The following PDE4D variants were observed in gnomAD, a reference collection of about 807,000 sequenced individuals.
PDE4D encodes phosphodiesterase 4D, also known as 3',5'-cyclic-AMP phosphodiesterase 4D.
Under a neutral mutation model 87.4 loss-of-function variants are expected in PDE4D, and 24 were observed. The observed-to-expected ratio is 0.27, with a 90% CI of 0.20 to 0.39. The LOEUF is 0.39. Ranked by LOEUF, PDE4D falls within the 10% of genes least tolerant of loss-of-function variation. PDE4D has a pLI of 1.00. For missense variants in PDE4D, 714 were observed against 1,041.0 expected (o/e 0.69, Z 4.32); for synonymous variants, 384 against 383.2 (o/e 1.00, Z -0.02).
At chr5:59,535,814 C>A (rs1428138311) in intron 1 of PDE4D, among the ~76,000 whole-genome samples, 1 of 152,296 alleles carries the variant, frequency 6.6e-6, no homozygotes, top group Admixed American at 6.5e-5. Context: ...TGTCAACACC[C>A]ATTTTGAGGG....
At chr5:59,046,436 G>GT (rs1289113128) in intron 5 of PDE4D, among the ~76,000 whole-genome samples, 1 of 151,468 alleles carries the variant, frequency 6.6e-6, no homozygotes, top group African/African-American at 2.4e-5. Context: ...GTGTGTGTGT[G>GT]TGTGTGTATG....
At chr5:59,153,425 AGGGCTGACAGAGTG>A (rs1779726600) in intron 5 of PDE4D, among the ~76,000 whole-genome samples, 1 of 152,202 alleles carries the variant, frequency 6.6e-6, no homozygotes, top group Non-Finnish European at 1.5e-5. Context: ...TTCTGCTCAG[AGGGCTGACAGAGTG>A]GAGAAGATCA....
intron 1 of PDE4D, among the ~76,000 whole-genome samples, chr5:59,419,078 G>A (rs1794085236): frequency 6.6e-6 from 1 of 152,166 alleles, no homozygotes. Flanking sequence ...ACTGCAAAGT[G>A]CTATGTAATG....
Position 59,427,890 on chromosome 5 carries a change from T to C in PDE4D, c.456-211922A>G, listed in dbSNP as rs142393361. Among the ~76,000 whole-genome samples the C allele has an allele frequency of 8.0e-3, 1,211 of 151,048 alleles. 7 individuals carry two copies. Among genetic ancestry groups the C allele is most frequent in the Non-Finnish European group, 0.015 (998 of 67,856 alleles). On this transcript the variant is annotated intron_variant, in intron 1 of 14. Transcript: ENST00000340635. ...AAGCTTCATAAAATTGAAAGAAAAT[T>C]ATATTTCTTACAAAAGAAAAAGTGG...
chr5:59,805,137 T>A (rs988677134), intron 1 of PDE4D, among the ~76,000 whole-genome samples: 1 of 152,304 alleles, frequency 6.6e-6, no homozygotes, highest in Middle Eastern at 3.4e-3. Context: ...CAGAAGACTT[T>A]CAAAATGTAT....
chr5:59,459,412 T>C (rs1800418088), intron 1 of PDE4D, among the ~76,000 whole-genome samples: 1 of 152,192 alleles, frequency 6.6e-6, no homozygotes. Flanking sequence ...CATTTTGGCT[T>C]CAAATCCAGT....
At chr5:60,147,841 C>T (rs1427996767) in intron 2 of PDE4D, 3 of 451,940 alleles carry the variant, frequency 6.6e-6, no homozygotes, top group Non-Finnish European at 1.3e-5. Context: ...GCTTGAGTGT[C>T]TTTGTGAGTT....
intron 1 of PDE4D, among the ~76,000 whole-genome samples, chr5:59,774,215 T>C (rs2152612996): frequency 6.6e-6 from 1 of 152,336 alleles, no homozygotes; most frequent in African/African-American, 2.4e-5. Flanking sequence ...TAATATGTTC[T>C]ATAATTTGCA....
intron 1 of PDE4D, among the ~76,000 whole-genome samples, chr5:59,777,915 AAAG>A (rs879761670): frequency 3.4e-4 from 52 of 152,340 alleles, no homozygotes; most frequent in African/African-American, 9.4e-4. Context: ...GAGACAAAAA[AAAG>A]AAGTTGAAAT....
chr5:60,319,644 C>T (rs559645494), intron 1 of PDE4D, among the ~76,000 whole-genome samples: 4 of 152,262 alleles, frequency 2.6e-5, no homozygotes, highest in South Asian at 4.1e-4. Flanking sequence ...ATGATGGTGA[C>T]GTACACATGA....
chr5:59,226,909 G>T (rs936416834), intron 1 of PDE4D, among the ~76,000 whole-genome samples: 1 of 152,090 alleles, frequency 6.6e-6, no homozygotes, highest in Non-Finnish European at 1.5e-5. Flanking sequence ...TTTCATGCAG[G>T]TGTCACTGTG....
chr5:59,909,593 C>G (rs1432074832), intron 3 of PDE4D, among the ~76,000 whole-genome samples: 1 of 152,076 alleles, frequency 6.6e-6, no homozygotes, highest in Non-Finnish European at 1.5e-5. Context: ...CCATGTTGCT[C>G]AGCCTTGTCT....
intron 1 of PDE4D, among the ~76,000 whole-genome samples, chr5:59,522,806 C>T (rs1310680822): frequency 1.3e-5 from 2 of 152,108 alleles, no homozygotes; most frequent in Admixed American, 6.6e-5. Context: ...GGGAAAATTT[C>T]GGTTCACTTG....
intron 5 of PDE4D, among the ~76,000 whole-genome samples, chr5:59,075,121 CACAA>C (rs1765478105): frequency 6.9e-6 from 1 of 144,564 alleles, no homozygotes; most frequent in Admixed American, 6.9e-5. Context: ...CACACACACA[CACAA>C]TTTCTTAATT....
chr5:59,965,422 A>C (rs911791852), intron 3 of PDE4D, among the ~76,000 whole-genome samples: 3 of 151,908 alleles, frequency 2.0e-5, no homozygotes, highest in African/African-American at 4.8e-5. Flanking sequence ...TTACCCTAAA[A>C]CTCTAACCTC....
intron 1 of PDE4D, among the ~76,000 whole-genome samples, chr5:59,836,635 T>TATCTATC (rs1448284381): frequency 1.3e-5 from 2 of 150,212 alleles, no homozygotes; most frequent in Non-Finnish European, 2.9e-5. Context: ...TCTATCTATC[T>TATCTATC]ATCTATCTAT....
chr5:60,286,932 T>G (rs1752468567), intron 1 of PDE4D, among the ~76,000 whole-genome samples: 1 of 152,212 alleles, frequency 6.6e-6, no homozygotes, highest in African/African-American at 2.4e-5. Context: ...AAGTTTTCAT[T>G]GTTCAAAAAT....
chr5:60,298,939 T>C (rs1411468708), intron 1 of PDE4D, among the ~76,000 whole-genome samples: 1 of 152,228 alleles, frequency 6.6e-6, no homozygotes, highest in East Asian at 1.9e-4. Context: ...CACGGAACTT[T>C]GAAGTCTCTG....
intron 5 of PDE4D, among the ~76,000 whole-genome samples, chr5:59,096,098 T>G (rs1769656131): frequency 6.6e-6 from 1 of 152,104 alleles, no homozygotes; most frequent in Admixed American, 6.6e-5. Flanking sequence ...GAGTTAGTGG[T>G]AGGGGCACCT....
Sources: allele counts gnomAD v4.1 joint callset (sites outside exome capture counted in the v4.1 genomes callset), GRCh38; gene constraint gnomAD v4.1.1; transcripts MANE v1.5; gene names NCBI Gene and HGNC (gene_info 2026-07-23, HGNC 2026-07-21).